Variants in TMEM132B observed in about 807,000 individuals in gnomAD.
TMEM132B encodes transmembrane protein 132B.
In TMEM132B, 18 loss-of-function variants were observed where a neutral mutation model predicts 90.8. That is an observed-to-expected ratio of 0.20 (90% CI 0.14 to 0.29). TMEM132B has a LOEUF of 0.29. Among genes scored for constraint, TMEM132B ranks in the 10% least tolerant of loss-of-function variants. TMEM132B has a pLI of 1.00. For missense variants in TMEM132B, 1,096 were observed against 1,326.8 expected, an observed-to-expected ratio of 0.83 and a Z score of 2.70; for synonymous variants, 504 against 523.3, an observed-to-expected ratio of 0.96 and a Z score of 0.50.
At chr12:125,598,006 G>A (rs16919306) in intron 5 of TMEM132B, among the ~76,000 whole-genome samples, 7,629 of 152,168 alleles carry the variant, frequency 0.05, 608 homozygotes, top group African/African-American at 0.17. Context: ...CAATGGGAGC[G>A]TTTGTGGTGT....
chr12:125,468,571 A>C (rs879608535), intron 3 of TMEM132B, among the ~76,000 whole-genome samples: 1 of 152,158 alleles, frequency 6.6e-6, no homozygotes, highest in East Asian at 1.9e-4. Context: ...CATTTGACCA[A>C]TACGTGAGGG....
At chr12:125,299,961 A>G (rs1875777731) in intron 1 of TMEM132B, among the ~76,000 whole-genome samples, 1 of 152,178 alleles carries the variant, frequency 6.6e-6, no homozygotes, top group African/African-American at 2.4e-5. Flanking sequence ...ACTCAGAGCA[A>G]GAACCCCAAG....
At chr12:125,523,529 T>G (rs1592973140) in intron 4 of TMEM132B, among the ~76,000 whole-genome samples, 1 of 152,014 alleles carries the variant, frequency 6.6e-6, no homozygotes, top group African/African-American at 2.4e-5. Context: ...CTTGCAGAGA[T>G]TCCTTTGGCC....
At chr12:125,461,673 A>G (rs570129664) in intron 3 of TMEM132B, among the ~76,000 whole-genome samples, 2 of 152,336 alleles carry the variant, frequency 1.3e-5, no homozygotes, top group East Asian at 3.9e-4. Flanking sequence ...TTCATCCTCG[A>G]ACTGGTTGTA....
At chr12:125,622,577 C>T (rs1886137089) in intron 5 of TMEM132B, 1 of 985,324 alleles carries the variant, frequency 1.0e-6, no homozygotes, top group Non-Finnish European at 1.2e-6. Context: ...CTTGCTCAGC[C>T]TGACTGTGTT....
At chr12:125,444,934 C>T (rs561047805) in intron 3 of TMEM132B, among the ~76,000 whole-genome samples, 30 of 152,244 alleles carry the variant, frequency 2.0e-4, no homozygotes, top group African/African-American at 6.5e-4. Flanking sequence ...TGCCTGCCCC[C>T]ACAACCACGG....
At chr12:125,238,233 G>T (rs180745724) in intron 1 of TMEM132B, among the ~76,000 whole-genome samples, 6 of 151,228 alleles carry the variant, frequency 4.0e-5, no homozygotes, top group South Asian at 4.2e-4. Flanking sequence ...GTCTCAGATG[G>T]TCCCAGCTAC....
Position 125,654,345 on chromosome 12 carries a change from C to A in TMEM132B, c.2887C>A (p.Pro963Thr). ...LGNEVELLEN[P>T]VDITLPSEEC... ...GAATGAAGTGGAACTTTTGGAGAAC[C>A]CTGTTGACATTACACTCCCATCAGA... Residue 963 changes from proline to threonine, a missense_variant, in exon 9 of 9, where the codon CCT becomes ACT. Physicochemically the swap from Pro to Thr is conservative, Grantham distance 38. Transcript: ENST00000682704. The surrounding 1 kb of genome is among the most constrained non-coding windows in gnomAD (Gnocchi z 5.8). 6.2e-7 allele frequency: 1 copy of A among 1,612,844 alleles called. No individual in the cohort carries two copies. The highest frequency in any genetic ancestry group is 8.5e-7 in the Non-Finnish European group (1 of 1,180,028).
intron 3 of TMEM132B, among the ~76,000 whole-genome samples, chr12:125,515,480 GTCACAC>G (rs1238717978): frequency 1.1e-4 from 7 of 65,808 alleles, no homozygotes; most frequent in African/African-American, 6.5e-4. Context: ...TTCACACATT[GTCACAC>G]TCACACACAT....
intron 1 of TMEM132B, among the ~76,000 whole-genome samples, chr12:125,292,999 G>T (rs1875581198): frequency 6.6e-6 from 1 of 152,228 alleles, no homozygotes; most frequent in Admixed American, 6.5e-5. Context: ...AAGAACAATG[G>T]ATATTTAATT....
intron 3 of TMEM132B, among the ~76,000 whole-genome samples, chr12:125,489,079 G>C (rs939849405): frequency 1.3e-5 from 2 of 152,284 alleles, no homozygotes; most frequent in South Asian, 4.1e-4. Flanking sequence ...TTTCCCTAAA[G>C]CAATACATTT....
In TMEM132B at chr12:125,417,319, T is replaced by C. The variant is rs1451857533; in HGVS notation, c.1106+1642T>C. ...CCCTTTAGATCTTATCAATACGCAG[T>C]GGGTTTCATGCTTTTGCCCGAGAGG... On this transcript the variant is annotated intron_variant, in intron 3 of 8. Transcript: ENST00000682704. 7.6e-4 allele frequency among the ~76,000 whole-genome samples: 116 copies of C among 152,160 alleles called. 1 individual carries two copies. Among genetic ancestry groups the C allele is most frequent in the Non-Finnish European group, 1.0e-4 (7 of 68,022 alleles).
At position 125,641,662 on chromosome 12, in the gene TMEM132B, G is replaced by T. The variant is rs372006731; in HGVS notation, c.1438-2414G>T. On this transcript the variant is annotated intron_variant, in intron 5 of 8. Transcript: ENST00000682704. ...ACATCACTTCCTAAAAGATGGGGCA[G>T]GTTTAAGACTGTAGTGCTCCGAAAG... 3.3e-5 allele frequency among the ~76,000 whole-genome samples: 5 copies of T among 152,270 alleles called. No individual in the cohort carries two copies. In the East Asian group the frequency reaches 9.7e-4, roughly 29 times the overall value.
intron 1 of TMEM132B, among the ~76,000 whole-genome samples, chr12:125,288,988 G>A (rs1183911200): frequency 2.0e-5 from 3 of 152,198 alleles, no homozygotes; most frequent in African/African-American, 7.2e-5. Flanking sequence ...ACTGTGGCTT[G>A]GGGTTGGCTC....
chr12:125,371,487 A>G (rs1878291286), intron 2 of TMEM132B, among the ~76,000 whole-genome samples: 1 of 152,206 alleles, frequency 6.6e-6, no homozygotes, highest in South Asian at 2.1e-4. Flanking sequence ...TCAGAGTCCC[A>G]GTGGTAATGT....
chr12:125,196,457 C>T (rs767908106), intron 1 of TMEM132B, among the ~76,000 whole-genome samples: 4 of 152,220 alleles, frequency 2.6e-5, no homozygotes, highest in Non-Finnish European at 5.9e-5. Context: ...CCTGTAATCC[C>T]AGCACTTTGG....
chr12:125,188,862 A>AAAG (rs57860200), intron 1 of TMEM132B, among the ~76,000 whole-genome samples: 25,583 of 138,336 alleles, frequency 0.18, 3,240 homozygotes, highest in East Asian at 0.43. Flanking sequence ...CAAAAAAAAA[A>AAAG]AAAAAAAAAA....
chr12:125,424,492 G>A (rs1291545400), intron 3 of TMEM132B, among the ~76,000 whole-genome samples: 9 of 152,290 alleles, frequency 5.9e-5, no homozygotes, highest in East Asian at 1.9e-4. Context: ...GTTTGTTTGC[G>A]AATGTTTTTC....
At chr12:125,642,418 G>T (rs973593096) in intron 5 of TMEM132B, among the ~76,000 whole-genome samples, 1 of 152,210 alleles carries the variant, frequency 6.6e-6, no homozygotes, top group African/African-American at 2.4e-5. Context: ...GAGAGGGATA[G>T]AAGTAGATTC....
Sources: gnomAD v4.1 joint callset for allele counts (sites outside exome capture counted in the v4.1 genomes callset) on GRCh38, gnomAD v4.1.1 for gene constraint, Gnocchi (gnomAD v3.1) non-coding constraint, MANE v1.5 for transcripts, NCBI Gene and HGNC (gene_info 2026-07-23, HGNC 2026-07-21) for gene names.